MYO1D: variants seen among roughly 807,000 people sequenced by gnomAD.
MYO1D encodes the protein unconventional myosin-Id.
In MYO1D, 83 loss-of-function variants were observed where a neutral mutation model predicts 122.0. The observed-to-expected ratio is 0.68, with a 90% CI of 0.57 to 0.82. MYO1D has a LOEUF of 0.82. Among genes scored for constraint, MYO1D ranks in the 40% least tolerant of loss-of-function variants. MYO1D has a pLI of 0.00. For missense variants in MYO1D, 1,157 were observed against 1,269.5 expected, an observed-to-expected ratio of 0.91 and a Z score of 1.35; for synonymous variants, 464 against 446.9, an observed-to-expected ratio of 1.04 and a Z score of -0.48.
At chr17:32,716,663 G>C (rs1000079585) in intron 15 of MYO1D, among the ~76,000 whole-genome samples, 1 of 152,224 alleles carries the variant, frequency 6.6e-6, no homozygotes, top group East Asian at 1.9e-4. Flanking sequence ...CCAAACTATA[G>C]TAGGGGTCTA....
rs926479510 is a variant in MYO1D, at chr17:32,720,960, A to G, written c.1913+63T>C. On this transcript the variant is annotated intron_variant, in intron 15 of 21. Coordinates refer to ENST00000318217, the MANE Select transcript of MYO1D (RefSeq NM_015194.3). Reference sequence around the variant, plus strand: ...ATTGCCTAATATGTGCTGATGCACTATTGTACGGGGAGGACTCCCTTATTC... The same window carrying G: ...ATTGCCTAATATGTGCTGATGCACTGTTGTACGGGGAGGACTCCCTTATTC... The G allele has an allele frequency of 6.7e-6, 10 of 1,500,388 alleles. No homozygotes were observed. In the African/African-American group the frequency reaches 9.8e-5, roughly 15 times the overall value. The allele number at this position is 1,500,388 out of a possible 1,614,324, so 92.9% of individuals were successfully genotyped here. A position where few individuals can be genotyped will look rare whatever the true frequency, so the allele number is the denominator to read the frequency against.
chr17:32,561,753 TC>T (rs2087128481), intron 21 of MYO1D, among the ~76,000 whole-genome samples: 1 of 151,080 alleles, frequency 6.6e-6, no homozygotes, highest in Non-Finnish European at 1.5e-5. Context: ...TCAAATTTTA[TC>T]CATAATACCA....
At chr17:32,518,688 T>C (rs1909986616) in intron 21 of MYO1D, 1 of 152,290 alleles carries the variant, frequency 6.6e-6, no homozygotes, top group African/African-American at 2.4e-5. Context: ...AATCTGATGT[T>C]TGACGCCACT....
At chr17:32,674,949 T>C (rs2150962653) in intron 16 of MYO1D, among the ~76,000 whole-genome samples, 1 of 152,344 alleles carries the variant, frequency 6.6e-6, no homozygotes, top group Middle Eastern at 3.4e-3. Flanking sequence ...ACATCAAACA[T>C]ACTTCTTTTT....
At chr17:32,741,229 A>G (rs944571458) in intron 13 of MYO1D, among the ~76,000 whole-genome samples, 18 of 151,602 alleles carry the variant, frequency 1.2e-4, no homozygotes, top group African/African-American at 4.4e-4. Context: ...ACTTCTAAAA[A>G]AAAAAAAAAA....
intron 19 of MYO1D, among the ~76,000 whole-genome samples, chr17:32,648,080 G>A (rs1364723379): frequency 6.6e-6 from 1 of 152,128 alleles, no homozygotes; most frequent in East Asian, 1.9e-4. Context: ...CAGGCGTGGT[G>A]ATGTGCACCT....
At chr17:32,873,625 G>T (rs965142841) in intron 1 of MYO1D, among the ~76,000 whole-genome samples, 11 of 152,202 alleles carry the variant, frequency 7.2e-5, no homozygotes, top group African/African-American at 2.7e-4. Context: ...AGAGAGGACT[G>T]TTTTCTGTCT....
Position 32,745,267 on chromosome 17 carries a change from A to T in MYO1D, c.1557T>A (p.Phe519Leu). ...ATAAAGTATCTTTATTTTTGTCAAT[A>T]AAACCAATGACAGAATAGCTAACAG... ...AGDVVYSVIGFIDKNKDTLFQ... is the reference protein window; with the variant it reads ...AGDVVYSVIGLIDKNKDTLFQ... Residue 519 changes from phenylalanine (F) to leucine (L), a missense_variant, in exon 13 of 22, where the codon TTT becomes TTA. Transcript: ENST00000318217. 6.5e-7 allele frequency: 1 copy of T among 1,548,282 alleles called. No individual in the cohort carries two copies. The highest frequency in any genetic ancestry group is 8.9e-7 in the Non-Finnish European group (1 of 1,125,756).
chr17:32,602,358 G>C (rs1240683544), intron 21 of MYO1D, among the ~76,000 whole-genome samples: 1 of 152,150 alleles, frequency 6.6e-6, no homozygotes, highest in Non-Finnish European at 1.5e-5. Context: ...TACCTGTTGG[G>C]TATGGATATT....
At chr17:32,846,312 G>A (rs1007768191) in intron 1 of MYO1D, among the ~76,000 whole-genome samples, 10 of 152,206 alleles carry the variant, frequency 6.6e-5, no homozygotes, top group Admixed American at 2.6e-4. Flanking sequence ...ACCAAAAAGT[G>A]TATGTGTATC....
intron 16 of MYO1D, among the ~76,000 whole-genome samples, chr17:32,687,495 C>A (rs1165199330): frequency 1.3e-5 from 2 of 152,204 alleles, no homozygotes; most frequent in East Asian, 3.9e-4. Context: ...CCGTGCCTGG[C>A]CTCGCCTGGC....
At chr17:32,593,193 C>T (rs2087456958) in intron 21 of MYO1D, among the ~76,000 whole-genome samples, 1 of 152,168 alleles carries the variant, frequency 6.6e-6, no homozygotes, top group Non-Finnish European at 1.5e-5. Flanking sequence ...CTCTTAATTT[C>T]CCCCTGGTGG....
At chr17:32,569,471 A>T (rs1416947013) in intron 21 of MYO1D, among the ~76,000 whole-genome samples, 1 of 152,210 alleles carries the variant, frequency 6.6e-6, no homozygotes, top group East Asian at 1.9e-4. Flanking sequence ...CACTGTGTGA[A>T]ATTCTTGTGC....
chr17:32,570,814 G>A (rs1022006114), intron 21 of MYO1D, among the ~76,000 whole-genome samples: 3 of 152,148 alleles, frequency 2.0e-5, no homozygotes, highest in Admixed American at 6.5e-5. Context: ...CAAGTTCTGG[G>A]TTCTAAGACA....
chr17:32,599,257 C>A (rs1254330444), intron 21 of MYO1D, among the ~76,000 whole-genome samples: 1 of 152,198 alleles, frequency 6.6e-6, no homozygotes, highest in Non-Finnish European at 1.5e-5. Context: ...TTAACAGCAT[C>A]TTCATCAGGT....
chr17:32,776,607 G>T (rs773776740), intron 3 of MYO1D, among the ~76,000 whole-genome samples: 4 of 152,116 alleles, frequency 2.6e-5, no homozygotes. Flanking sequence ...GGAAAGAATA[G>T]GTGATACAGA....
chr17:32,789,076 G>GT (rs1170472991), intron 1 of MYO1D, among the ~76,000 whole-genome samples: 5 of 152,102 alleles, frequency 3.3e-5, no homozygotes, highest in African/African-American at 1.2e-4. Context: ...GCCATTGTCA[G>GT]TATATAGCAG....
intron 21 of MYO1D, among the ~76,000 whole-genome samples, chr17:32,558,568 A>T (rs141985162): frequency 1.5e-3 from 222 of 152,276 alleles, no homozygotes; most frequent in African/African-American, 4.8e-3. Flanking sequence ...GAGCCCAGAA[A>T]TGTTCTTTCT....
At chr17:32,850,155 C>G (rs1459381650) in intron 1 of MYO1D, among the ~76,000 whole-genome samples, 1 of 152,154 alleles carries the variant, frequency 6.6e-6, no homozygotes, top group Non-Finnish European at 1.5e-5. Flanking sequence ...TATTGTCAAG[C>G]AACTTTCAAA....
Sources: allele counts gnomAD v4.1 joint callset (sites outside exome capture counted in the v4.1 genomes callset), GRCh38; gene constraint gnomAD v4.1.1; transcripts MANE v1.5; gene names NCBI Gene and HGNC (gene_info 2026-07-23, HGNC 2026-07-21).